The following C6orf58 variants were observed in gnomAD, a reference collection of about 807,000 sequenced individuals.
The protein encoded by C6orf58 is protein LEG1 homolog.
In C6orf58, 30 loss-of-function variants were observed where a neutral mutation model predicts 37.0. That is an observed-to-expected ratio of 0.81 (90% confidence interval 0.61 to 1.10). The LOEUF is 1.10. Among genes scored for constraint, C6orf58 ranks in the 50% least tolerant of loss-of-function variants. C6orf58 has a pLI of 0.00. For synonymous variants in C6orf58, 143 were observed against 134.1 expected (o/e 1.07, Z -0.46); for missense variants, 368 against 387.5 (o/e 0.95, Z 0.42).
chr6:127,579,596 G>T (rs1286452840), intron 2 of C6orf58, among the ~76,000 whole-genome samples: 1 of 151,968 alleles, frequency 6.6e-6, no homozygotes, highest in African/African-American at 2.4e-5. Flanking sequence ...CTACATCACT[G>T]ATTTCTAGTG....
intron 4 of C6orf58, among the ~76,000 whole-genome samples, chr6:127,587,956 T>A (rs1387314344): frequency 6.6e-6 from 1 of 152,150 alleles, no homozygotes; most frequent in Non-Finnish European, 1.5e-5. Flanking sequence ...AGGCTCTGAG[T>A]TAAGTTAGCT....
At chr6:127,591,515 A>G in intron 5 of C6orf58, 28 bp from the exon 6 acceptor site, 2 of 1,502,102 alleles carry the variant, frequency 1.3e-6, no homozygotes, top group Non-Finnish European at 1.8e-6. Flanking sequence ...GCAAGAGTTT[A>G]CATGTAATCA....
At chr6:127,591,444 T>C in intron 5 of C6orf58, 99 bp from the exon 6 acceptor site, 1 of 1,059,486 alleles carries the variant, frequency 9.4e-7, no homozygotes, top group South Asian at 2.0e-5. Flanking sequence ...ATTAAATTAG[T>C]AGAAAGGAAA....
intron 4 of C6orf58, among the ~76,000 whole-genome samples, chr6:127,581,960 A>G (rs959921505): frequency 2.7e-4 from 41 of 152,160 alleles, no homozygotes; most frequent in Admixed American, 1.1e-3. Flanking sequence ...TTTGTTTACA[A>G]ACTACATTAA....
chr6:127,582,866 C>A (rs1241847690), intron 4 of C6orf58, among the ~76,000 whole-genome samples: 1 of 152,096 alleles, frequency 6.6e-6, no homozygotes, highest in African/African-American at 2.4e-5. Flanking sequence ...GATTTGCCCA[C>A]ATATATGGTT....
intron 4 of C6orf58, among the ~76,000 whole-genome samples, chr6:127,589,740 T>C (rs369017295): frequency 1.3e-5 from 2 of 152,224 alleles, no homozygotes; most frequent in South Asian, 2.1e-4. Flanking sequence ...AATTTTGCTT[T>C]AGACCTTTGA....
intron 4 of C6orf58, among the ~76,000 whole-genome samples, chr6:127,582,243 G>A (rs1382008605): frequency 1.3e-5 from 2 of 152,120 alleles, no homozygotes; most frequent in Non-Finnish European, 1.5e-5. Context: ...CTGCATAAGA[G>A]GATTTAAGAC....
chr6:127,587,610 T>C (rs1425580755), intron 4 of C6orf58, among the ~76,000 whole-genome samples: 1 of 152,232 alleles, frequency 6.6e-6, no homozygotes, highest in Non-Finnish European at 1.5e-5. Context: ...GATTGTTCCT[T>C]GAAATGAAGT....
At position 127,591,645 on chromosome 6, in the gene C6orf58, G is replaced by T. The variant is rs1775164652; in HGVS notation, c.*23G>T. Reference sequence around the variant, plus strand: ...TGAAACATTTAACTTCAAACTTCAGGAAATGATTAATGAATTAAAAATGAA... The same window carrying T: ...TGAAACATTTAACTTCAAACTTCAGTAAATGATTAATGAATTAAAAATGAA... On this transcript the variant is annotated 3_prime_UTR_variant, in exon 6 of 6. Coordinates refer to ENST00000329722, the MANE Select transcript of C6orf58 (RefSeq NM_001010905.3). The T allele has an allele frequency of 1.4e-6, 2 of 1,471,850 alleles. No individual in the cohort carries two copies. Among genetic ancestry groups the T allele is most frequent in the Non-Finnish European group, 1.8e-6 (2 of 1,113,760 alleles). The allele number at this position is 1,471,850 out of a possible 1,614,324, so 91.2% of individuals were successfully genotyped here. A position where few individuals can be genotyped will look rare whatever the true frequency, so the allele number is the denominator to read the frequency against.
Position 127,577,336 on chromosome 6 carries a change from A to T in C6orf58, c.151A>T (p.Ile51Phe). 7 of 1,613,678 alleles carry T rather than the reference A, an allele frequency of 4.3e-6. No homozygotes were observed. Among genetic ancestry groups the T allele is most frequent in the Non-Finnish European group, 5.9e-6 (7 of 1,179,646 alleles). ...SDYRVENSMY[I>F]INPWVYLERM... ...CTACAGGGTGGAGAACAGCATGTAC[A>T]TTATTAATCCCTGGGTATACCTTGA... The change falls in exon 1 of 6, where the codon ATT becomes TTT. Residue 51 changes from isoleucine to phenylalanine, a missense_variant. Physicochemically the swap from Ile to Phe is conservative, Grantham distance 21. Transcript: ENST00000329722.
intron 4 of C6orf58, 119 bp from the exon 5 acceptor site, chr6:127,589,968 T>G: frequency 1.4e-6 from 1 of 691,576 alleles, no homozygotes; most frequent in Non-Finnish European, 2.4e-6. Flanking sequence ...AAGCCTATTT[T>G]CTAAATTATA....
chr6:127,585,631 A>G (rs1034421285), intron 4 of C6orf58, among the ~76,000 whole-genome samples: 1 of 152,246 alleles, frequency 6.6e-6, no homozygotes, highest in African/African-American at 2.4e-5. Flanking sequence ...ACAGTGTCAT[A>G]CTAAGAACAG....
rs1775163494 is a variant in C6orf58 at position 127,591,579 on chromosome 6, A to C, written c.950A>C (p.Asp317Ala). ...ACAGAAAAATCTAATGTATATAGAG[A>C]TCATTCGGAATCTAGCTCTAGAAGT... ...LCTEKSNVYR[D>A]HSESSSRSYG... The change falls in exon 6 of 6, where the codon GAT becomes GCT. Residue 317 changes from aspartate (D) to alanine (A), a missense_variant. Coordinates refer to ENST00000329722, the MANE Select transcript of C6orf58 (RefSeq NM_001010905.3). The C allele has an allele frequency of 1.3e-6, 2 of 1,532,056 alleles. No individual in the cohort carries two copies. Among genetic ancestry groups the C allele is most frequent in the Non-Finnish European group, 1.7e-6 (2 of 1,146,012 alleles). The allele number at this position is 1,532,056 out of a possible 1,614,324, so 94.9% of individuals were successfully genotyped here. A position where few individuals can be genotyped will look rare whatever the true frequency, so the allele number is the denominator to read the frequency against.
At position 127,591,650 on chromosome 6, in the gene C6orf58, G is replaced by T. The variant is rs1775164759; in HGVS notation, c.*28G>T. 2 of 1,465,868 alleles carry T rather than the reference G, an allele frequency of 1.4e-6. No homozygotes were observed. Among genetic ancestry groups the T allele is most frequent in the South Asian group, 1.5e-5 (1 of 66,546 alleles). The allele number at this position is 1,465,868 out of a possible 1,614,324, so 90.8% of individuals were successfully genotyped here. A position where few individuals can be genotyped will look rare whatever the true frequency, so the allele number is the denominator to read the frequency against. ...CATTTAACTTCAAACTTCAGGAAATGATTAATGAATTAAAAATGAAAAACT... is the reference window on the plus strand; with the variant it reads ...CATTTAACTTCAAACTTCAGGAAATTATTAATGAATTAAAAATGAAAAACT... On this transcript the variant is annotated 3_prime_UTR_variant, in exon 6 of 6. Transcript: ENST00000329722.
Position 127,590,068 on chromosome 6 carries a change from T to A in C6orf58, c.675-19T>A. The A allele has an allele frequency of 6.4e-7, 1 of 1,551,516 alleles. No individual in the cohort carries two copies. Among genetic ancestry groups the A allele is most frequent in the Non-Finnish European group, 8.9e-7 (1 of 1,127,620 alleles). On this transcript the variant is annotated intron_variant, in intron 4 of 5. Transcript: ENST00000329722. The stretch of plus-strand genomic sequence containing the variant: ...GAGGTGACTAATTATAATTAAATAC[T>A]TTTCCGTTTGTCTTTTAGATATGAT...
chr6:127,583,496 G>A (rs968628495), intron 4 of C6orf58, among the ~76,000 whole-genome samples: 1 of 152,118 alleles, frequency 6.6e-6, no homozygotes, highest in African/African-American at 2.4e-5. Flanking sequence ...CATCAAGGAT[G>A]CCATCTTCTT....
At chr6:127,587,018 A>C (rs1775114091) in intron 4 of C6orf58, among the ~76,000 whole-genome samples, 1 of 152,242 alleles carries the variant, frequency 6.6e-6, no homozygotes, top group African/African-American at 2.4e-5. Flanking sequence ...ACTAAGACTT[A>C]AATCGAGGAG....
intron 4 of C6orf58, 106 bp from the exon 5 acceptor site, chr6:127,589,981 A>G (rs892636395): frequency 2.7e-6 from 2 of 735,716 alleles, no homozygotes; most frequent in Non-Finnish European, 4.5e-6. Flanking sequence ...AAATTATAAA[A>G]TTATGAATTT....
chr6:127,580,478 GA>G, intron 3 of C6orf58, 29 bp downstream of exon 3: 1 of 1,521,630 alleles, frequency 6.6e-7, no homozygotes, highest in Non-Finnish European at 9.0e-7. Context: ...TACGAGATAG[GA>G]AGAGAGTTTA....
Sources: gnomAD v4.1 joint callset for allele counts (sites outside exome capture counted in the v4.1 genomes callset) on GRCh38, gnomAD v4.1.1 for gene constraint, MANE v1.5 for transcripts, NCBI Gene and HGNC (gene_info 2026-07-23, HGNC 2026-07-21) for gene names.